Variants in WASF3 observed in about 807,000 individuals in gnomAD.
WASF3 encodes WASP family member 3.
Under a neutral mutation model 46.6 loss-of-function variants are expected in WASF3, and 11 were observed. That is an observed-to-expected ratio of 0.24 (90% CI 0.15 to 0.39). WASF3 has a LOEUF of 0.39. Ranked by LOEUF, WASF3 falls within the 10% of genes least tolerant of loss-of-function variation. The probability of loss-of-function intolerance (pLI) is 1.00; values close to 1 mark genes in which losing one functional copy is unlikely to be tolerated. For missense variants in WASF3, 576 were observed against 669.8 expected (o/e 0.86, Z 1.55); for synonymous variants, 242 against 259.7 (o/e 0.93, Z 0.65).
At chr13:26,605,322 C>A (rs900036319) in intron 1 of WASF3, among the ~76,000 whole-genome samples, 1 of 152,122 alleles carries the variant, frequency 6.6e-6, no homozygotes, top group African/African-American at 2.4e-5. Flanking sequence ...TCTTTTTATG[C>A]CCGTTACAAA....
upstream of WASF3, among the ~76,000 whole-genome samples, chr13:26,554,794 TG>T (rs1187269907): frequency 6.6e-6 from 1 of 152,240 alleles, no homozygotes; most frequent in Non-Finnish European, 1.5e-5. Flanking sequence ...TCATTCACCT[TG>T]TGAGGGACAT....
rs148532802 is a variant in WASF3, at chr13:26,681,163, G to A, written c.826G>A (p.Gly276Arg). The A allele has an allele frequency of 2.0e-5, 32 of 1,613,966 alleles. No individual in the cohort carries two copies. The highest frequency in any genetic ancestry group is 5.5e-5 in the South Asian group (5 of 91,082). The part of the protein sequence containing the change: ...SYAAGDVPPH[G>R]PASQAAEHEY... The stretch of plus-strand genomic sequence containing the variant: ...TGCAGCTGGTGACGTGCCACCACAC[G>A]GGCCTGCAAGCCAGGCTGCGGAGCA... Residue 276 changes from glycine (G) to arginine (R), a missense_variant, in exon 8 of 10, where the codon GGG (glycine) becomes AGG (arginine). Physicochemically the swap from Gly to Arg is moderately radical, Grantham distance 125 (BLOSUM62 -2). Around this residue, in one of 3 missense-constraint regions of WASF3, gnomAD observed 295 missense variants for 291.5 expected, o/e 1.01. Coordinates refer to ENST00000335327, the MANE Select transcript of WASF3 (RefSeq NM_006646.6).
intron 1 of WASF3, among the ~76,000 whole-genome samples, chr13:26,601,429 C>T (rs1880639270): frequency 2.0e-5 from 3 of 152,058 alleles, no homozygotes. Context: ...ATGAGGCCTG[C>T]CTTTGGGCTC....
intron 1 of WASF3, among the ~76,000 whole-genome samples, chr13:26,584,547 A>C (rs1880075870): frequency 6.6e-6 from 1 of 152,234 alleles, no homozygotes; most frequent in African/African-American, 2.4e-5. Context: ...CTAGTATTAT[A>C]GAAATTTATT....
At chr13:26,576,984 G>A in intron 1 of WASF3, 1 of 717,036 alleles carries the variant, frequency 1.4e-6, no homozygotes, top group Non-Finnish European at 2.5e-6. Context: ...GGTATGATGT[G>A]AAAGCACCTT....
intron 3 of WASF3, among the ~76,000 whole-genome samples, chr13:26,653,159 C>T (rs1224612328): frequency 6.6e-6 from 1 of 152,192 alleles, no homozygotes; most frequent in East Asian, 1.9e-4. Context: ...ATGGGCTGTT[C>T]ATGCTCCTAT....
At chr13:26,625,282 T>C (rs964288442) in intron 2 of WASF3, among the ~76,000 whole-genome samples, 14 of 152,052 alleles carry the variant, frequency 9.2e-5, no homozygotes, top group African/African-American at 3.4e-4. Flanking sequence ...ATGAGGAGAT[T>C]TATTATGGAA....
At chr13:26,624,267 T>TA (rs1881398888) in intron 2 of WASF3, among the ~76,000 whole-genome samples, 1 of 152,216 alleles carries the variant, frequency 6.6e-6, no homozygotes, top group South Asian at 2.1e-4. Context: ...AACAAGTTTT[T>TA]AAGAGTTAAA....
Position 26,679,091 on chromosome 13 carries a change from A to G in WASF3, c.717-1963A>G, listed in dbSNP as rs994800076. On this transcript the variant is annotated intron_variant, in intron 7 of 9. Transcript: ENST00000335327. This position sits in a 1 kb window ranked among gnomAD's most constrained non-coding sequence, Gnocchi z 4.8. ...CTCCCAGTCCTCTTCCTCCCGTGTC[A>G]GTGTCGCCTCTGGCCCTCCCAGTCC... Among the ~76,000 whole-genome samples, 1 of 146,270 alleles carries G rather than the reference A, an allele frequency of 6.8e-6. No homozygotes were observed. The highest frequency in any genetic ancestry group is 6.8e-5 in the Admixed American group (1 of 14,796).
At chr13:26,659,624 C>T (rs573575510) in intron 3 of WASF3, among the ~76,000 whole-genome samples, 2 of 151,874 alleles carry the variant, frequency 1.3e-5, no homozygotes, top group Non-Finnish European at 2.9e-5. Flanking sequence ...TTAGGGAGGT[C>T]GAGGTGAGTG....
intron 4 of WASF3, among the ~76,000 whole-genome samples, chr13:26,666,512 GT>G (rs766454426): frequency 4.3e-4 from 65 of 152,240 alleles, no homozygotes; most frequent in Middle Eastern, 3.4e-3. Context: ...TTTTGCTGGA[GT>G]TTTTGGAATC....
At chr13:26,657,096 G>T (rs1199747487) in intron 3 of WASF3, among the ~76,000 whole-genome samples, 2 of 152,140 alleles carry the variant, frequency 1.3e-5, no homozygotes, top group Admixed American at 6.5e-5. Context: ...GGGAACTTGT[G>T]AGACAAAGTA....
At chr13:26,648,422 T>C (rs927275105) in intron 3 of WASF3, among the ~76,000 whole-genome samples, 1 of 152,324 alleles carries the variant, frequency 6.6e-6, no homozygotes, top group African/African-American at 2.4e-5. Context: ...CTTTATATAA[T>C]TGGATCTGAA....
At chr13:26,668,006 A>G (rs1400015885) in intron 5 of WASF3, among the ~76,000 whole-genome samples, 1 of 152,152 alleles carries the variant, frequency 6.6e-6, no homozygotes, top group Non-Finnish European at 1.5e-5. Flanking sequence ...TTAGATTCGA[A>G]GTCAATTAGG....
In WASF3 at chr13:26,557,724, G is replaced by T. The variant is rs1879139035; in HGVS notation, c.-204G>T. ...CGGCGTCGCTCGCGCCGCTGCGTGC[G>T]GTGTGGTGCGAGGCGGGTGCGCCGG... On this transcript the variant is annotated 5_prime_UTR_variant, in exon 1 of 10. Transcript: ENST00000335327. 5.2e-6 allele frequency: 1 copy of T among 192,992 alleles called. No individual in the cohort carries two copies. Among genetic ancestry groups the T allele is most frequent in the African/African-American group, 2.4e-5 (1 of 42,004 alleles). 12.0% of individuals were successfully genotyped at this position (192,992 alleles called of 1,614,324 possible).
intron 5 of WASF3, among the ~76,000 whole-genome samples, chr13:26,670,332 T>C (rs1882893816): frequency 6.7e-6 from 1 of 150,030 alleles, no homozygotes; most frequent in Non-Finnish European, 1.5e-5. Context: ...GAACATCACA[T>C]ACCGGGCCTG....
chr13:26,594,636 C>T (rs1365661947), intron 1 of WASF3, among the ~76,000 whole-genome samples: 2 of 152,316 alleles, frequency 1.3e-5, no homozygotes, highest in South Asian at 4.1e-4. Context: ...CTCCCTGGAA[C>T]GCCTGTTTTC....
At chr13:26,618,125 C>T (rs1346890372) in intron 2 of WASF3, among the ~76,000 whole-genome samples, 2 of 152,128 alleles carry the variant, frequency 1.3e-5, no homozygotes, top group Non-Finnish European at 2.9e-5. Context: ...AGTGAGTTCA[C>T]CCATTAACAC....
rs57542558 is a variant in WASF3, at chr13:26,587,102, CAAA to C, written c.-108-25839_-108-25837del. ...TGGGCGACAGATTAAGACCCTGCCT[CAAA>C]AAAAAAAAAAAAAAAAAAAGGAAGA... On this transcript the variant is annotated intron_variant, in intron 1 of 9. Transcript: ENST00000335327. Among the ~76,000 whole-genome samples, 167 of 64,266 alleles carry C rather than the reference CAAA, an allele frequency of 2.6e-3. 2 individuals carry two copies. The East Asian group carries it at 0.071, about 27-fold the overall frequency. The allele number at this position is 64,266 out of a possible 152,430, so 42.2% of individuals were successfully genotyped here.
Sources: allele counts gnomAD v4.1 joint callset (sites outside exome capture counted in the v4.1 genomes callset), GRCh38; gene constraint gnomAD v4.1.1; regional missense constraint gnomAD v4.1.1; non-coding constraint Gnocchi (gnomAD v3.1); transcripts MANE v1.5; gene names NCBI Gene and HGNC (gene_info 2026-07-23, HGNC 2026-07-21).